Variants in SPTB observed in about 807,000 individuals in gnomAD.
The protein encoded by SPTB is spectrin beta chain, erythrocytic.
In SPTB, 45 loss-of-function variants were observed where a neutral mutation model predicts 256.2. That is an observed-to-expected ratio of 0.18 (90% CI 0.14 to 0.23). SPTB has a LOEUF of 0.23. SPTB is among the 10% of genes least tolerant of loss of function. The pLI is 1.00. For synonymous variants in SPTB, 1,231 were observed against 1,243.1 expected, an observed-to-expected ratio of 0.99 and a Z score of 0.21; for missense variants, 2,715 against 3,040.4, an observed-to-expected ratio of 0.89 and a Z score of 2.52.
rs371987237 is a variant in SPTB at position 64,785,934 on chromosome 14, G to A, written c.3579C>T (p.His1193=). 1.9e-6 allele frequency: 3 copies of A among 1,613,972 alleles called. No individual in the cohort carries two copies. The African/African-American group carries it at 4.0e-5, about 22-fold the overall frequency. The change falls in exon 17 of 36, where the codon CAC becomes CAT. Residue 1193 remains histidine, a synonymous_variant. Transcript: ENST00000644917. This position sits in a 1 kb window ranked among gnomAD's most constrained non-coding sequence, Gnocchi z 4.4. The part of the protein sequence containing the change: ...ILSNQEYTLA[H]LEPPDSLEAA... ...CTTCCAGGGAGTCTGGGGGCTCCAA[G>A]TGAGCCAGAGTGTATTCCTGTTGGA... is the stretch of plus-strand genomic sequence containing the variant.
chr14:64,772,080 T>A lies in SPTB; in HGVS notation c.5553+500A>T, dbSNP rs2082286065. On this transcript the variant is annotated intron_variant, in intron 26 of 35. Coordinates refer to ENST00000644917, the MANE Select transcript of SPTB (RefSeq NM_001355436.2). The surrounding 1 kb of genome is among the most constrained non-coding windows in gnomAD (Gnocchi z 5.4). The stretch of plus-strand genomic sequence containing the variant: ...CAGCTCCCATGTGGAAAGGCTGAAG[T>A]GCCCGGTGGCTAAGTATGTGGGGTC... Among the ~76,000 whole-genome samples, 1 of 152,216 alleles carries A rather than the reference T, an allele frequency of 6.6e-6. No individual in the cohort carries two copies.
In SPTB at chr14:64,827,566, A is replaced by G. The variant is rs920432874; in HGVS notation, c.-51-4421T>C. Among the ~76,000 whole-genome samples the G allele has an allele frequency of 2.0e-5, 3 of 152,182 alleles. No homozygotes were observed. Among genetic ancestry groups the G allele is most frequent in the Admixed American group, 6.5e-5 (1 of 15,282 alleles). On this transcript the variant is annotated intron_variant, in intron 1 of 35. Transcript: ENST00000644917. The surrounding 1 kb of genome is among the most constrained non-coding windows in gnomAD (Gnocchi z 4.6). ...AAGTTTCTCTGGTAATTTTTCTGTCAATCCATCACCAAAAAAGGAACATCC... is the reference window on the plus strand; with the variant it reads ...AAGTTTCTCTGGTAATTTTTCTGTCGATCCATCACCAAAAAAGGAACATCC...
At chr14:64,869,781 C>CG (rs1429382960) in intron 1 of SPTB, among the ~76,000 whole-genome samples, 1 of 128,362 alleles carries the variant, frequency 7.8e-6, no homozygotes, top group Non-Finnish European at 1.7e-5. Context: ...TGCCACGATG[C>CG]CCTGCTTTTT....
intron 1 of SPTB, among the ~76,000 whole-genome samples, chr14:64,868,723 G>C (rs1202106798): frequency 6.6e-6 from 1 of 152,186 alleles, no homozygotes; most frequent in Non-Finnish European, 1.5e-5. Context: ...ATGTTGTGGA[G>C]AAGTTGGAAA....
At position 64,747,545 on chromosome 14, in the gene SPTB, C is replaced by T. The variant is rs2081866254; in HGVS notation, c.*1761G>A. The T allele has an allele frequency of 6.6e-6, 1 of 152,548 alleles. No individual in the cohort carries two copies. Among genetic ancestry groups the T allele is most frequent in the Admixed American group, 6.5e-5 (1 of 15,280 alleles). The allele number at this position is 152,548 out of a possible 1,614,324, so 9.4% of individuals were successfully genotyped here. On this transcript the variant is annotated 3_prime_UTR_variant, in exon 36 of 36. Coordinates refer to ENST00000644917, the MANE Select transcript of SPTB (RefSeq NM_001355436.2). Reference sequence around the variant, plus strand: ...ACGTCTTCCTTCCTGTGGCTCCTGCCTGCTGCAGTTGGTGTCACCCTGACA... The same window carrying T: ...ACGTCTTCCTTCCTGTGGCTCCTGCTTGCTGCAGTTGGTGTCACCCTGACA...
rs147964863 is a variant in SPTB at position 64,827,405 on chromosome 14, G to C, written c.-51-4260C>G. 6.6e-6 allele frequency among the ~76,000 whole-genome samples: 1 copy of C among 152,146 alleles called. No individual in the cohort carries two copies. ...CTTAAACAGTATTGCTCCTTCCACT[G>C]TATTGTTATCTTCTCTCTAGCTGTA... is the stretch of plus-strand genomic sequence containing the variant. On this transcript the variant is annotated intron_variant, in intron 1 of 35. Coordinates refer to ENST00000644917, the MANE Select transcript of SPTB (RefSeq NM_001355436.2). This position sits in a 1 kb window ranked among gnomAD's most constrained non-coding sequence, Gnocchi z 4.6.
At chr14:64,854,388 C>T (rs2083838153) in intron 1 of SPTB, among the ~76,000 whole-genome samples, 1 of 140,264 alleles carries the variant, frequency 7.1e-6, no homozygotes, top group Admixed American at 7.7e-5. Flanking sequence ...ATGCCATTCT[C>T]CTGCCTCAGC....
At position 64,801,889 on chromosome 14, in the gene SPTB, CAA is replaced by C. The variant is rs948332547; in HGVS notation, c.567-57_567-56del. 8 of 1,533,698 alleles carry C rather than the reference CAA, an allele frequency of 5.2e-6. No homozygotes were observed. In the African/African-American group the frequency reaches 8.2e-5, roughly 16 times the overall value. ...GAATTAGATTTTTTGTAGTCCCAAA[CAA>C]GTGTACAAATTGAGGGCCAATATAC... On this transcript the variant is annotated intron_variant, in intron 5 of 35. Coordinates refer to ENST00000644917, the MANE Select transcript of SPTB (RefSeq NM_001355436.2).
At chr14:64,767,373 G>A (rs750224916) in intron 30 of SPTB, 21 bp from the exon 31 acceptor site, 1 of 1,613,854 alleles carries the variant, frequency 6.2e-7, no homozygotes, top group Non-Finnish European at 8.5e-7. Context: ...AGAAGGCCCA[G>A]GGGTCAGAGC....
rs1231488517 is a variant in SPTB, at chr14:64,793,502, C to A, written c.2161G>T (p.Val721Leu). 3 of 1,614,032 alleles carry A rather than the reference C, an allele frequency of 1.9e-6. No individual in the cohort carries two copies. In the African/African-American group the frequency reaches 4.0e-5, roughly 22 times the overall value. The change falls in exon 14 of 36, where the codon GTG (valine) becomes TTG (leucine). Residue 721 changes from valine (V) to leucine (L), a missense_variant. This residue lies in a region of SPTB where 2,239 missense variants were observed against 2,384.4 expected (regional missense o/e 0.94). Transcript: ENST00000644917. The surrounding 1 kb of genome is among the most constrained non-coding windows in gnomAD (Gnocchi z 7.0). ...HPQIEARIKE[V>L]SAQWDQLKDL... Reference sequence around the variant, plus strand: ...TTCAGCTGGTCCCACTGTGCCGACACCTCCTTTATGCGGGCCTCGATCTGC... The same window carrying A: ...TTCAGCTGGTCCCACTGTGCCGACAACTCCTTTATGCGGGCCTCGATCTGC...
rs986579278 is a variant in SPTB at position 64,816,241 on chromosome 14, C to T, written c.148+6706G>A. Among the ~76,000 whole-genome samples the T allele has an allele frequency of 2.0e-5, 3 of 152,200 alleles. No homozygotes were observed. The highest frequency in any genetic ancestry group is 2.9e-5 in the Non-Finnish European group (2 of 68,030). ...CCTCTCTCGGACCCTTCAACCCTGC[C>T]ACTGTATGGAAAGGCACGCTGAGGT... On this transcript the variant is annotated intron_variant, in intron 2 of 35. Coordinates refer to ENST00000644917, the MANE Select transcript of SPTB (RefSeq NM_001355436.2). The surrounding 1 kb of genome is among the most constrained non-coding windows in gnomAD (Gnocchi z 4.2).
At chr14:64,819,787 G>A (rs561502824) in intron 2 of SPTB, among the ~76,000 whole-genome samples, 60 of 152,156 alleles carry the variant, frequency 3.9e-4, no homozygotes, top group Non-Finnish European at 5.9e-4. Flanking sequence ...AATGTCTGAA[G>A]TTGGGAAAAG....
In SPTB at chr14:64,779,176, A is replaced by G. The variant is rs755530704; in HGVS notation, c.4544T>C (p.Leu1515Pro). The G allele has an allele frequency of 2.9e-5, 46 of 1,613,930 alleles. No homozygotes were observed. The highest frequency in any genetic ancestry group is 3.9e-5 in the Non-Finnish European group (46 of 1,179,964). Reference protein sequence around the residue: ...DYGTNLQTVQLFMKKNQTLQN... With the variant: ...DYGTNLQTVQPFMKKNQTLQN... ...ACTCACCTGGTTCTTCTTCATGAACAGTTGCACAGTTTGCAGATTAGTGCC... is the reference window on the plus strand; with the variant it reads ...ACTCACCTGGTTCTTCTTCATGAACGGTTGCACAGTTTGCAGATTAGTGCC... Residue 1515 changes from leucine (L) to proline (P), a missense_variant, in exon 22 of 36, where the codon CTG becomes CCG. This residue lies in a region of SPTB where 2,239 missense variants were observed against 2,384.4 expected (regional missense o/e 0.94). Transcript: ENST00000644917. The surrounding 1 kb of genome is among the most constrained non-coding windows in gnomAD (Gnocchi z 4.2).
chr14:64,787,502 C>G (rs2082594705), intron 15 of SPTB, among the ~76,000 whole-genome samples: 2 of 152,138 alleles, frequency 1.3e-5, no homozygotes, highest in Non-Finnish European at 2.9e-5. Flanking sequence ...TATGAAATAT[C>G]AAAATAATTA....
intron 19 of SPTB, among the ~76,000 whole-genome samples, chr14:64,783,040 T>C (rs1267932992): frequency 6.6e-6 from 1 of 152,108 alleles, no homozygotes; most frequent in African/African-American, 2.4e-5. Context: ...GTACAGTCAG[T>C]GCAGAAACTG....
intron 1 of SPTB, among the ~76,000 whole-genome samples, chr14:64,828,483 G>T (rs1566790696): frequency 6.6e-6 from 1 of 152,208 alleles, no homozygotes; most frequent in South Asian, 2.1e-4. Context: ...TTAAAGGAGA[G>T]GGGAGAGATG....
intron 1 of SPTB, among the ~76,000 whole-genome samples, chr14:64,870,035 G>T (rs1466116504): frequency 6.6e-6 from 1 of 152,004 alleles, no homozygotes; most frequent in Non-Finnish European, 1.5e-5. Flanking sequence ...ATGAGACTCA[G>T]TTCCCCATTG....
intron 2 of SPTB, among the ~76,000 whole-genome samples, chr14:64,811,772 C>A (rs2083094858): frequency 1.3e-5 from 2 of 152,222 alleles, no homozygotes; most frequent in African/African-American, 4.8e-5. Flanking sequence ...AATGAAAGTA[C>A]ACAAACATAC....
chr14:64,864,720 G>A (rs971076899), intron 1 of SPTB, among the ~76,000 whole-genome samples: 11 of 152,068 alleles, frequency 7.2e-5, no homozygotes, highest in Non-Finnish European at 2.9e-5. Context: ...GTCTAGGAGT[G>A]CCATTTATAC....
Sources: allele counts gnomAD v4.1 joint callset (sites outside exome capture counted in the v4.1 genomes callset), GRCh38; gene constraint gnomAD v4.1.1; regional missense constraint gnomAD v4.1.1; non-coding constraint Gnocchi (gnomAD v3.1); transcripts MANE v1.5; gene names NCBI Gene and HGNC (gene_info 2026-07-23, HGNC 2026-07-21).